The following CEP152 variants were observed in gnomAD, a reference collection of about 807,000 sequenced individuals.
CEP152 encodes the protein centrosomal protein of 152 kDa.
In CEP152, 132 loss-of-function variants were observed where a neutral mutation model predicts 188.9. That is an observed-to-expected ratio of 0.70 (90% CI 0.61 to 0.81). The LOEUF is 0.81. Ranked by LOEUF, CEP152 falls within the 30% of genes least tolerant of loss-of-function variation. The pLI is 0.00. For synonymous variants in CEP152, 649 were observed against 666.6 expected (o/e 0.97, Z 0.41); for missense variants, 1,914 against 1,969.8 (o/e 0.97, Z 0.54).
At chr15:48,789,141 T>C (rs1196346209) in intron 8 of CEP152, 140 bp from the exon 9 acceptor site, 5 of 778,878 alleles carry the variant, frequency 6.4e-6, no homozygotes, top group African/African-American at 3.5e-5. Context: ...TCTCCGCTCA[T>C]CATGGCTCAA....
Position 48,765,990 on chromosome 15 carries a change from T to A in CEP152, c.2280+1070A>T, listed in dbSNP as rs546592588. On this transcript the variant is annotated intron_variant, in intron 17 of 26. Transcript: ENST00000380950. Reference sequence around the variant, plus strand: ...CATATAAAAGAATCACACTAGTGATTTCCCTATTTTAATTTTTAAAACATT... The same window carrying A: ...CATATAAAAGAATCACACTAGTGATATCCCTATTTTAATTTTTAAAACATT... 7.9e-5 allele frequency among the ~76,000 whole-genome samples: 12 copies of A among 151,718 alleles called. No individual in the cohort carries two copies. In the East Asian group the frequency reaches 2.3e-3, roughly 29 times the overall value.
intron 22 of CEP152, among the ~76,000 whole-genome samples, chr15:48,746,673 G>C (rs912699266): frequency 6.6e-6 from 1 of 152,096 alleles, no homozygotes; most frequent in Non-Finnish European, 1.5e-5. Context: ...TATTTCCCGA[G>C]TTGTGCTATG....
chr15:48,752,978 T>C (rs566274488), intron 20 of CEP152, among the ~76,000 whole-genome samples: 2 of 152,308 alleles, frequency 1.3e-5, no homozygotes, highest in African/African-American at 4.8e-5. Flanking sequence ...CACAGTAATT[T>C]TGTAAGGAAG....
Position 48,741,603 on chromosome 15 carries a change from G to A in CEP152, c.4091C>T (p.Ser1364Leu). Residue 1364 changes from serine (S) to leucine (L), a missense_variant and splice_region_variant, in exon 26 of 27, where the codon TCA becomes TTA. Coordinates refer to ENST00000380950, the MANE Select transcript of CEP152 (RefSeq NM_001194998.2). The part of the protein sequence containing the change: ...SSKSQSKTTQ[S>L]ALPLTSEMLI... ...TTTGGCGACTCACTTTGACATACCT[G>A]ACTGTGTAGTTTTGCTTTGGGACTT... 1 of 1,614,092 alleles carries A rather than the reference G, an allele frequency of 6.2e-7. No homozygotes were observed. The highest frequency in any genetic ancestry group is 8.5e-7 in the Non-Finnish European group (1 of 1,180,012).
intron 10 of CEP152, chr15:48,783,405 T>C (rs540633545): frequency 6.6e-6 from 1 of 152,230 alleles, no homozygotes; most frequent in Non-Finnish European, 1.5e-5. Context: ...GGGAAAAATA[T>C]GAAAGAAGTT....
chr15:48,732,578 G>C (rs1010723099), intron 2 of CEP152, among the ~76,000 whole-genome samples: 2 of 151,592 alleles, frequency 1.3e-5, no homozygotes, highest in African/African-American at 4.9e-5. Context: ...GAACTTAAGA[G>C]GATGGGTCAA....
intron 13 of CEP152, among the ~76,000 whole-genome samples, chr15:48,769,537 T>C (rs1196374838): frequency 1.3e-5 from 2 of 152,224 alleles, no homozygotes; most frequent in Middle Eastern, 3.2e-3. Flanking sequence ...AGAACTGATA[T>C]GTGCTCTTTG....
chr15:48,734,249 T>C (rs908252674), downstream of CEP152, among the ~76,000 whole-genome samples: 13 of 150,190 alleles, frequency 8.7e-5, no homozygotes, highest in Non-Finnish European at 1.5e-4. Flanking sequence ...ATATAAGACA[T>C]AATAGCACAA....
intron 20 of CEP152, among the ~76,000 whole-genome samples, chr15:48,755,695 G>A (rs1476782196): frequency 6.6e-6 from 1 of 152,052 alleles, no homozygotes; most frequent in African/African-American, 2.4e-5. Context: ...ATCTTGTCTT[G>A]TATTTGTGAC....
intron 10 of CEP152, 23 bp from the exon 11 acceptor site, chr15:48,782,253 A>G (rs536515597): frequency 6.2e-7 from 1 of 1,606,016 alleles, no homozygotes; most frequent in Non-Finnish European, 8.5e-7. Flanking sequence ...GAACCATAGG[A>G]TATACTGAAA....
intron 7 of CEP152, among the ~76,000 whole-genome samples, chr15:48,791,960 G>T (rs1437203842): frequency 6.6e-6 from 1 of 152,016 alleles, no homozygotes; most frequent in Non-Finnish European, 1.5e-5. Context: ...AATCAAAGAA[G>T]TTATCTGAGG....
intron 6 of CEP152, 151 bp from the exon 7 acceptor site, chr15:48,793,612 G>C (rs971467032): frequency 4.1e-6 from 3 of 725,738 alleles, no homozygotes; most frequent in Non-Finnish European, 6.8e-6. Flanking sequence ...AAAAGAGAGA[G>C]AGAATATATC....
intron 21 of CEP152, among the ~76,000 whole-genome samples, chr15:48,751,917 A>C (rs1893903044): frequency 6.6e-6 from 1 of 152,212 alleles, no homozygotes; most frequent in South Asian, 2.1e-4. Flanking sequence ...GAGATTAAAA[A>C]CACTGCCCAG....
intron 26 of CEP152, 42 bp from the exon 27 acceptor site, chr15:48,739,330 A>G (rs1037894747): frequency 4.5e-6 from 7 of 1,567,710 alleles, no homozygotes; most frequent in Non-Finnish European, 5.2e-6. Flanking sequence ...GAAAATTAAT[A>G]TTTAAAGGGA....
chr15:48,768,978 T>G lies in CEP152; in HGVS notation c.1886A>C (p.Gln629Pro). ...DDILLLKNEI[Q>P]VLQQQNQELK... The stretch of plus-strand genomic sequence containing the variant: ...CACCTGATTTTGTTGTTGTAAAACT[T>G]GAATTTCATTTTTAAGCAGCAGAAT... Residue 629 changes from glutamine (Q) to proline (P), a missense_variant, in exon 14 of 27, where the codon CAA becomes CCA. Transcript: ENST00000380950. 2 of 1,566,586 alleles carry G rather than the reference T, an allele frequency of 1.3e-6. No individual in the cohort carries two copies. Among genetic ancestry groups the G allele is most frequent in the East Asian group, 2.2e-5 (1 of 44,460 alleles).
chr15:48,806,285 C>T (rs1001066462), intron 1 of CEP152, among the ~76,000 whole-genome samples: 4 of 148,704 alleles, frequency 2.7e-5, no homozygotes, highest in Non-Finnish European at 4.6e-5. Context: ...CCACTGTGGA[C>T]TTCCAATTCC....
intron 22 of CEP152, among the ~76,000 whole-genome samples, chr15:48,746,709 C>T (rs983538242): frequency 3.3e-5 from 5 of 152,062 alleles, no homozygotes; most frequent in Admixed American, 2.0e-4. Context: ...AGTGCTGGAA[C>T]AGGACTTGAT....
intron 22 of CEP152, 53 bp downstream of exon 22, chr15:48,748,390 C>G: frequency 6.8e-7 from 1 of 1,471,448 alleles, no homozygotes; most frequent in Non-Finnish European, 9.0e-7. Flanking sequence ...TTGAACATTT[C>G]AACAAGGATC....
intron 2 of CEP152, 123 bp downstream of exon 2, chr15:48,805,438 GTT>G: frequency 8.3e-7 from 1 of 1,200,448 alleles, no homozygotes; most frequent in Non-Finnish European, 1.1e-6. Flanking sequence ...TTTTAGGGTT[GTT>G]TTTTTTTTAA....
Sources: gnomAD v4.1 joint callset for allele counts (sites outside exome capture counted in the v4.1 genomes callset) on GRCh38, gnomAD v4.1.1 for gene constraint, MANE v1.5 for transcripts, NCBI Gene and HGNC (gene_info 2026-07-23, HGNC 2026-07-21) for gene names.